Variants in GOLGA8A observed in about 807,000 individuals in gnomAD.
GOLGA8A encodes golgin A8 family member A.
In GOLGA8A, 3 loss-of-function variants were observed where a neutral mutation model predicts 22.1. The ratio of observed to expected loss-of-function variants is 0.14; its 90% CI spans 0.06 to 0.35. GOLGA8A has a LOEUF of 0.35. GOLGA8A is among the 10% of genes least tolerant of loss of function. The pLI is 1.00. For synonymous variants in GOLGA8A, 7 were observed against 91.7 expected (o/e 0.08, Z 5.28); for missense variants, 16 against 233.2 (o/e 0.07, Z 6.07).
In GOLGA8A at chr15:34,418,998, A is replaced by C. The variant is rs1475809863; in HGVS notation, c.-1122-11263T>G. On this transcript the variant is annotated intron_variant, in intron 2 of 24. Transcript: ENST00000359187. The stretch of plus-strand genomic sequence containing the variant: ...TGGCTCACTGCAACCTCCGCCTCCC[A>C]GGTTCAAGCAATTCTGTGGCCTCAG... 47 of 128,488 alleles carry C rather than the reference A, an allele frequency of 3.7e-4. 1 individual carries two copies. The highest frequency in any genetic ancestry group is 1.6e-3 in the South Asian group (5 of 3,174). 8.0% of individuals were successfully genotyped at this position (128,488 alleles called of 1,614,324 possible).
intron 2 of GOLGA8A, among the ~76,000 whole-genome samples, chr15:34,427,253 C>A (rs1595665840): frequency 7.0e-6 from 1 of 143,398 alleles, no homozygotes; most frequent in African/African-American, 2.6e-5. Flanking sequence ...ATGGCGTGAA[C>A]CCAGGAGGTG....
intron 2 of GOLGA8A, among the ~76,000 whole-genome samples, chr15:34,426,479 G>A (rs1892988801): frequency 6.8e-6 from 1 of 147,456 alleles, no homozygotes; most frequent in Non-Finnish European, 1.5e-5. Flanking sequence ...TGGGGCAGTG[G>A]TGAAGTTAGG....
rs138209736 is a variant in GOLGA8A at position 34,421,198 on chromosome 15, G to C, written c.-1122-13463C>G. On this transcript the variant is annotated intron_variant, in intron 2 of 24. Coordinates refer to ENST00000359187, the MANE Select transcript of GOLGA8A (RefSeq NM_181077.5). ...ACATTTGCTCTGGGAGATGAGCCAG[G>C]GTCTGCCCAGGCCACCACGGGGGCA... Among the ~76,000 whole-genome samples, 77 of 143,684 alleles carry C rather than the reference G, an allele frequency of 5.4e-4. 7 individuals are homozygous for C. Among genetic ancestry groups the C allele is most frequent in the African/African-American group, 1.8e-3 (71 of 39,374 alleles). 94.3% of individuals were successfully genotyped at this position (143,684 alleles called of 152,430 possible). A position where few individuals can be genotyped will look rare whatever the true frequency, so the allele number is the denominator to read the frequency against.
chr15:34,430,737 A>G (rs973923555), intron 2 of GOLGA8A, among the ~76,000 whole-genome samples: 3 of 149,544 alleles, frequency 2.0e-5, no homozygotes, highest in Non-Finnish European at 4.5e-5. Context: ...CACACATCTC[A>G]TCTCCTCCAT....
At chr15:34,430,627 G>A (rs1893185148) in intron 2 of GOLGA8A, among the ~76,000 whole-genome samples, 1 of 149,426 alleles carries the variant, frequency 6.7e-6, no homozygotes, top group African/African-American at 2.5e-5. Context: ...TGGAGGTAGT[G>A]CCAGGTGTCT....
At chr15:34,429,155 A>G (rs1251373905) in intron 2 of GOLGA8A, among the ~76,000 whole-genome samples, 1 of 147,246 alleles carries the variant, frequency 6.8e-6, no homozygotes, top group African/African-American at 2.5e-5. Context: ...GCACCTCTCA[A>G]CACGCCCCTG....
chr15:34,426,058 C>T (rs1892970231), intron 2 of GOLGA8A, among the ~76,000 whole-genome samples: 1 of 147,344 alleles, frequency 6.8e-6, no homozygotes, highest in Non-Finnish European at 1.5e-5. Context: ...TCTGTTGACA[C>T]TCTGAATGCC....
chr15:34,430,757 C>G (rs1212074928), intron 2 of GOLGA8A, among the ~76,000 whole-genome samples: 2 of 149,876 alleles, frequency 1.3e-5, no homozygotes, highest in Non-Finnish European at 3.0e-5. Context: ...TCCATAGTAA[C>G]TCAGTGGCTG....
chr15:34,429,708 A>G (rs1893142342), intron 2 of GOLGA8A, among the ~76,000 whole-genome samples: 1 of 146,212 alleles, frequency 6.8e-6, no homozygotes, highest in Non-Finnish European at 1.5e-5. Context: ...TTCTCAGAAA[A>G]TACCTACTGA....
intron 2 of GOLGA8A, among the ~76,000 whole-genome samples, chr15:34,408,434 TCCC>T (rs1566907190): frequency 2.6e-5 from 1 of 37,982 alleles, no homozygotes; most frequent in African/African-American, 9.6e-5. Flanking sequence ...CTCCAGGACG[TCCC>T]ACCACCATAC....
chr15:34,436,329 G>A (rs961912181), intron 1 of GOLGA8A, among the ~76,000 whole-genome samples: 1 of 149,584 alleles, frequency 6.7e-6, no homozygotes, highest in African/African-American at 2.5e-5. Context: ...GGCACAGAAG[G>A]CTGAAGACGC....
At chr15:34,422,635 CAG>C (rs1892829845) in intron 2 of GOLGA8A, among the ~76,000 whole-genome samples, 1 of 69,376 alleles carries the variant, frequency 1.4e-5, no homozygotes, top group African/African-American at 3.6e-5. Flanking sequence ...TCATAGGCCC[CAG>C]AGTCAGAAGG....
chr15:34,435,040 C>A (rs1893436711), intron 2 of GOLGA8A, among the ~76,000 whole-genome samples: 1 of 149,714 alleles, frequency 6.7e-6, no homozygotes, highest in East Asian at 2.0e-4. Context: ...CTCTCCTCCC[C>A]TGGACAGTAA....
intron 2 of GOLGA8A, among the ~76,000 whole-genome samples, chr15:34,428,212 G>A (rs1893068658): frequency 1.4e-5 from 2 of 147,066 alleles, no homozygotes; most frequent in African/African-American, 5.0e-5. Flanking sequence ...TCCCACCTCA[G>A]CCTCCCAAGT....
At position 34,379,312 on chromosome 15, in the gene GOLGA8A, G is replaced by C. The variant is rs2140185892; in HGVS notation, c.*2099C>G. ...AACTACAGGATTTATATTTTAAAAT[G>C]TTTTATTTCAGAACATTAAGATAGC... On this transcript the variant is annotated 3_prime_UTR_variant, in exon 25 of 25. Coordinates refer to ENST00000359187, the MANE Select transcript of GOLGA8A (RefSeq NM_181077.5). 1 of 152,482 alleles carries C rather than the reference G, an allele frequency of 6.6e-6. No homozygotes were observed. Among genetic ancestry groups the C allele is most frequent in the South Asian group, 2.1e-4 (1 of 4,806 alleles). 9.4% of individuals were successfully genotyped at this position (152,482 alleles called of 1,614,324 possible). A position where few individuals can be genotyped will look rare whatever the true frequency, so the allele number is the denominator to read the frequency against.
rs575401957 is a variant in GOLGA8A, at chr15:34,420,834, G to A, written c.-1122-13099C>T. Among the ~76,000 whole-genome samples, 28 of 129,090 alleles carry A rather than the reference G, an allele frequency of 2.2e-4. 1 individual carries two copies. In the East Asian group the frequency reaches 6.0e-3, roughly 28 times the overall value. 84.7% of individuals were successfully genotyped at this position (129,090 alleles called of 152,430 possible). ...GCCTGGGGAGAGTACCCACAGATTCGGAGTCACATCTCTGATGGGACACAA... is the reference window on the plus strand; with the variant it reads ...GCCTGGGGAGAGTACCCACAGATTCAGAGTCACATCTCTGATGGGACACAA... On this transcript the variant is annotated intron_variant, in intron 2 of 24. Transcript: ENST00000359187.
intron 5 of GOLGA8A, among the ~76,000 whole-genome samples, chr15:34,402,805 CT>C (rs1274617818): frequency 7.3e-5 from 2 of 27,384 alleles, no homozygotes; most frequent in African/African-American, 2.0e-4. Flanking sequence ...TAAAAATCAA[CT>C]TGGCAATCAT....
intron 2 of GOLGA8A, among the ~76,000 whole-genome samples, chr15:34,424,400 A>G (rs1335526508): frequency 7.2e-6 from 1 of 139,776 alleles, no homozygotes; most frequent in Non-Finnish European, 1.6e-5. Context: ...ACAAAAAAGA[A>G]AGGTCGACGA....
Position 34,428,096 on chromosome 15 carries a change from CT to C in GOLGA8A, c.-1123+7286del, listed in dbSNP as rs879599948. On this transcript the variant is annotated intron_variant, in intron 2 of 24. Coordinates refer to ENST00000359187, the MANE Select transcript of GOLGA8A (RefSeq NM_181077.5). The stretch of plus-strand genomic sequence containing the variant: ...GCTTTCTCTCCTTCAAATCAGACTT[CT>C]TTTTTTTTTTTTGAGAGAGAGAAGT... Among the ~76,000 whole-genome samples, 368 of 138,198 alleles carry C rather than the reference CT, an allele frequency of 2.7e-3. 2 individuals carry two copies. Among genetic ancestry groups the C allele is most frequent in the Middle Eastern group, 7.1e-3 (2 of 282 alleles). 90.7% of individuals were successfully genotyped at this position (138,198 alleles called of 152,430 possible). A position where few individuals can be genotyped will look rare whatever the true frequency, so the allele number is the denominator to read the frequency against.
Sources: allele counts gnomAD v4.1 joint callset (sites outside exome capture counted in the v4.1 genomes callset), GRCh38; gene constraint gnomAD v4.1.1; transcripts MANE v1.5; gene names NCBI Gene and HGNC (gene_info 2026-07-23, HGNC 2026-07-21).